NWD2: variants seen among roughly 807,000 people sequenced by gnomAD.
NWD2 encodes the protein NACHT and WD repeat domain-containing protein 2.
A neutral mutation model predicts 132.7 loss-of-function variants in NWD2; 37 were observed. The ratio of observed to expected loss-of-function variants is 0.28; its 90% confidence interval spans 0.21 to 0.37. The LOEUF is 0.37. Among genes scored for constraint, NWD2 ranks in the 10% least tolerant of loss-of-function variants. The pLI, the probability that NWD2 is intolerant of heterozygous loss-of-function variation, is 1.00. For missense variants in NWD2, 1,592 were observed against 2,122.4 expected (o/e 0.75, Z 4.91); for synonymous variants, 705 against 803.0 (o/e 0.88, Z 2.06).
intron 3 of NWD2, among the ~76,000 whole-genome samples, chr4:37,420,575 C>G (rs1419102258): frequency 2.0e-5 from 3 of 152,146 alleles, no homozygotes; most frequent in Admixed American, 2.0e-4. Context: ...CCCAGCTACT[C>G]AGGAGGCTGA....
In NWD2 at chr4:37,263,468, G is replaced by A. The variant is rs577807713; in HGVS notation, c.151+18250G>A. ...CAGAAAGTGCTAGGTCCAGTATCAG[G>A]GCTCTGCCACTTTGTAGCAGGGTGA... On this transcript the variant is annotated intron_variant, in intron 1 of 6. Transcript: ENST00000309447. 3.3e-5 allele frequency among the ~76,000 whole-genome samples: 5 copies of A among 152,228 alleles called. No homozygotes were observed. In the East Asian group the frequency reaches 9.7e-4, roughly 29 times the overall value.
At position 37,433,979 on chromosome 4, in the gene NWD2, G is replaced by A; in HGVS notation, c.665G>A (p.Gly222Asp). The A allele has an allele frequency of 1.3e-6, 2 of 1,550,550 alleles. No homozygotes were observed. The highest frequency in any genetic ancestry group is 1.7e-6 in the Non-Finnish European group (2 of 1,146,276). Reference sequence around the variant, plus strand: ...GCTGTAAAGCTGTTACACGAAAAGGGTAAAATGAAACACAGCCAGGCTAAG... The same window carrying A: ...GCTGTAAAGCTGTTACACGAAAAGGATAAAATGAAACACAGCCAGGCTAAG... ...KAAVKLLHEK[G>D]KMKHSQAKRY... The change falls in exon 5 of 7, where the codon GGT (glycine) becomes GAT (aspartate). Residue 222 changes from glycine (G) to aspartate (D), a missense_variant. By Grantham distance (94) the Gly-to-Asp change is moderately conservative (BLOSUM62 -1). Transcript: ENST00000309447.
At chr4:37,417,474 AC>A in intron 3 of NWD2, among the ~76,000 whole-genome samples, 1 of 152,194 alleles carries the variant, frequency 6.6e-6, no homozygotes, top group Admixed American at 6.5e-5. Context: ...GGGGTATATA[AC>A]AAATGTATAA....
At chr4:37,387,609 C>A (rs955981579) in intron 3 of NWD2, among the ~76,000 whole-genome samples, 4 of 151,574 alleles carry the variant, frequency 2.6e-5, no homozygotes, top group Admixed American at 6.6e-5. Context: ...TTCCTCATAG[C>A]TCCTCTCATC....
chr4:37,428,052 AT>A (rs1712056272), intron 3 of NWD2, among the ~76,000 whole-genome samples: 3 of 152,322 alleles, frequency 2.0e-5, no homozygotes, highest in Admixed American at 2.0e-4. Flanking sequence ...TGTTTTAATC[AT>A]TTCTATGAGC....
Position 37,440,799 on chromosome 4 carries a change from CAGGATGAAACT to C in NWD2, c.1296+1412_1296+1422del, listed in dbSNP as rs149082875. Among the ~76,000 whole-genome samples the C allele has an allele frequency of 6.2e-4, 95 of 152,340 alleles. 2 individuals carry two copies. In the East Asian group the frequency reaches 0.018, roughly 28 times the overall value. ...TGCTGAGTTGGCTCTTCAGCCTAAA[CAGGATGAAACT>C]AGTTCCATTATTTTTAACCTCCTCT... On this transcript the variant is annotated intron_variant, in intron 6 of 6. Coordinates refer to ENST00000309447, the MANE Select transcript of NWD2 (RefSeq NM_001144990.2).
At chr4:37,346,438 A>G (rs1719638493) in intron 2 of NWD2, among the ~76,000 whole-genome samples, 1 of 152,206 alleles carries the variant, frequency 6.6e-6, no homozygotes, top group African/African-American at 2.4e-5. Flanking sequence ...TTTGAAATCC[A>G]GAAGTGTGAG....
intron 3 of NWD2, among the ~76,000 whole-genome samples, chr4:37,424,186 T>C (rs1427587673): frequency 6.6e-6 from 1 of 152,090 alleles, no homozygotes. Context: ...CCCCATGGAG[T>C]TCTGCAGTAC....
At chr4:37,414,553 TG>T (rs1721226467) in intron 3 of NWD2, among the ~76,000 whole-genome samples, 1 of 152,082 alleles carries the variant, frequency 6.6e-6, no homozygotes, top group African/African-American at 2.4e-5. Flanking sequence ...GCTAAAGCCA[TG>T]AATCTTACCT....
At chr4:37,287,104 G>A (rs1264086958) in intron 1 of NWD2, among the ~76,000 whole-genome samples, 1 of 152,224 alleles carries the variant, frequency 6.6e-6, no homozygotes, top group African/African-American at 2.4e-5. Flanking sequence ...GGGAGGCACA[G>A]AGTGAGTATG....
rs769623743 is a variant in NWD2, at chr4:37,356,410, C to T, written c.285C>T (p.Ser95=). Residue 95 remains serine, a synonymous_variant, in exon 3 of 7, where the codon AGC becomes AGT. Coordinates refer to ENST00000309447, the MANE Select transcript of NWD2 (RefSeq NM_001144990.2). ...GAGTGGAAGAAGATGAGTGGGACAG[C>T]CCAGAGCTCCAGAAGACCCGCATGA... ...YWGVEEDEWD[S]PELQKTRMKL... 6.4e-6 allele frequency: 10 copies of T among 1,551,410 alleles called. No homozygotes were observed. The highest frequency in any genetic ancestry group is 8.7e-6 in the Non-Finnish European group (10 of 1,146,778).
chr4:37,420,540 T>G (rs983374233), intron 3 of NWD2, among the ~76,000 whole-genome samples: 1 of 152,018 alleles, frequency 6.6e-6, no homozygotes, highest in Non-Finnish European at 1.5e-5. Flanking sequence ...AAAAATTAGC[T>G]GGTGTGGTGG....
At chr4:37,255,089 AT>A (rs941076060) in intron 1 of NWD2, among the ~76,000 whole-genome samples, 12 of 152,202 alleles carry the variant, frequency 7.9e-5, no homozygotes, top group Admixed American at 7.2e-4. Flanking sequence ...CAAACACCTA[AT>A]TGGTTGGTGT....
At chr4:37,363,023 C>G (rs1333721055) in intron 3 of NWD2, among the ~76,000 whole-genome samples, 1 of 152,108 alleles carries the variant, frequency 6.6e-6, no homozygotes, top group South Asian at 2.1e-4. Context: ...CAAAAGAAGA[C>G]ATACAAGTGT....
chr4:37,289,942 G>A (rs942821687), intron 1 of NWD2, among the ~76,000 whole-genome samples: 1 of 152,032 alleles, frequency 6.6e-6, no homozygotes, highest in Non-Finnish European at 1.5e-5. Context: ...GTACCCTGCT[G>A]GAAGGTCGAA....
intron 1 of NWD2, among the ~76,000 whole-genome samples, chr4:37,252,240 T>A (rs1717392436): frequency 6.6e-6 from 1 of 152,230 alleles, no homozygotes; most frequent in South Asian, 2.1e-4. Flanking sequence ...GTGGAACTGA[T>A]GTCTTGAGGT....
intron 1 of NWD2, among the ~76,000 whole-genome samples, chr4:37,298,960 C>T (rs1382335289): frequency 6.6e-6 from 1 of 152,104 alleles, no homozygotes; most frequent in East Asian, 1.9e-4. Flanking sequence ...GTGAACTAGT[C>T]ATAGGGCATA....
At chr4:37,357,199 G>A (rs888919390) in intron 3 of NWD2, among the ~76,000 whole-genome samples, 15 of 151,978 alleles carry the variant, frequency 9.9e-5, no homozygotes, top group East Asian at 1.9e-4. Context: ...CCTACCAATC[G>A]ATAAGGGAAG....
intron 1 of NWD2, among the ~76,000 whole-genome samples, chr4:37,313,209 G>A (rs1718886586): frequency 6.6e-6 from 1 of 151,126 alleles, no homozygotes; most frequent in Admixed American, 6.6e-5. Context: ...AATGGTACCA[G>A]TTCCTCCTTG....
Sources: gnomAD v4.1 joint callset for allele counts (sites outside exome capture counted in the v4.1 genomes callset) on GRCh38, gnomAD v4.1.1 for gene constraint, MANE v1.5 for transcripts, NCBI Gene and HGNC (gene_info 2026-07-23, HGNC 2026-07-21) for gene names.